ASCC3: variants seen among roughly 807,000 people sequenced by gnomAD.
ASCC3 encodes the protein ASC-1 complex subunit P200.
ASCC3 carries 158 observed loss-of-function variants against 256.3 expected under a neutral mutation model. The ratio of observed to expected loss-of-function variants is 0.62; its 90% CI spans 0.54 to 0.70. The LOEUF (loss-of-function observed/expected upper bound fraction) is 0.70, where lower values mean the gene tolerates loss of function less well. Ranked by LOEUF, ASCC3 falls within the 30% of genes least tolerant of loss-of-function variation. The pLI is 0.00. For synonymous variants in ASCC3, 948 were observed against 883.4 expected (o/e 1.07, Z -1.30); for missense variants, 2,259 against 2,626.0 (o/e 0.86, Z 3.05).
chr6:100,802,297 C>T (rs1483080745), intron 5 of ASCC3, among the ~76,000 whole-genome samples: 2 of 151,980 alleles, frequency 1.3e-5, no homozygotes, highest in East Asian at 3.9e-4. Flanking sequence ...TATGTAGAGG[C>T]TTGTATCCTT....
intron 4 of ASCC3, among the ~76,000 whole-genome samples, chr6:100,814,929 C>T (rs193056994): frequency 1.6e-4 from 25 of 152,024 alleles, no homozygotes; most frequent in Admixed American, 5.9e-4. Context: ...ATGTCTCAAT[C>T]TCCTTCAGTT....
intron 11 of ASCC3, among the ~76,000 whole-genome samples, chr6:100,723,715 G>T (rs185038097): frequency 1.5e-4 from 22 of 150,476 alleles, no homozygotes; most frequent in Non-Finnish European, 2.8e-4. Context: ...TTTTGGCTTC[G>T]GAATCAAGTA....
intron 30 of ASCC3, among the ~76,000 whole-genome samples, chr6:100,616,941 C>A (rs1358743333): frequency 6.6e-6 from 1 of 152,096 alleles, no homozygotes; most frequent in African/African-American, 2.4e-5. Context: ...CTTTCCCACC[C>A]CAGAAAAGGA....
chr6:100,699,421 C>T (rs969415192), intron 13 of ASCC3, among the ~76,000 whole-genome samples: 1 of 152,126 alleles, frequency 6.6e-6, no homozygotes, highest in Non-Finnish European at 1.5e-5. Context: ...TGTGAGGCCT[C>T]CTCAGCCATG....
intron 10 of ASCC3, among the ~76,000 whole-genome samples, chr6:100,759,093 T>C (rs149761551): frequency 3.6e-4 from 55 of 152,118 alleles, no homozygotes; most frequent in African/African-American, 1.3e-3. Context: ...GGGGTTGTTT[T>C]CTTCTTGTAA....
At chr6:100,580,834 T>A (rs552549774) in intron 36 of ASCC3, among the ~76,000 whole-genome samples, 39 of 149,938 alleles carry the variant, frequency 2.6e-4, no homozygotes, top group African/African-American at 9.5e-4. Flanking sequence ...TATGCGGTGT[T>A]TGGTTTTTTG....
At chr6:100,661,728 A>T in intron 16 of ASCC3, 78 bp downstream of exon 16, 1 of 1,463,800 alleles carries the variant, frequency 6.8e-7, no homozygotes, top group Non-Finnish European at 9.5e-7. Flanking sequence ...CAAAACAGCA[A>T]CCAACTCAAT....
intron 3 of ASCC3, among the ~76,000 whole-genome samples, chr6:100,861,359 T>C (rs1322794608): frequency 2.0e-5 from 3 of 152,142 alleles, no homozygotes; most frequent in Non-Finnish European, 4.4e-5. Context: ...ACAATACGCA[T>C]AGCCTTAAGT....
intron 4 of ASCC3, among the ~76,000 whole-genome samples, chr6:100,836,688 C>T (rs953876992): frequency 9.2e-5 from 14 of 152,066 alleles, no homozygotes; most frequent in Non-Finnish European, 4.4e-5. Flanking sequence ...ATCAGCAATA[C>T]TGGCCTATAG....
chr6:100,879,416 T>C (rs1163917770), intron 1 of ASCC3, among the ~76,000 whole-genome samples: 1 of 152,138 alleles, frequency 6.6e-6, no homozygotes, highest in Non-Finnish European at 1.5e-5. Flanking sequence ...TTCTAATAAT[T>C]CCTTGACCTT....
chr6:100,574,896 A>G (rs1280625138), intron 36 of ASCC3, among the ~76,000 whole-genome samples: 2 of 152,138 alleles, frequency 1.3e-5, no homozygotes, highest in African/African-American at 4.8e-5. Context: ...AGAAGTTAAG[A>G]AATAATGGAC....
chr6:100,702,440 G>A (rs2115000986), intron 13 of ASCC3, among the ~76,000 whole-genome samples: 1 of 152,202 alleles, frequency 6.6e-6, no homozygotes, highest in East Asian at 1.9e-4. Flanking sequence ...CAGATACACT[G>A]TATTTGAGAC....
At chr6:100,805,915 T>C (rs1445724165) in intron 4 of ASCC3, 35 bp from the exon 5 acceptor site, 1 of 1,598,274 alleles carries the variant, frequency 6.3e-7, no homozygotes, top group South Asian at 1.1e-5. Flanking sequence ...AAACATCAGT[T>C]ATCTCAAAGT....
chr6:100,799,092 T>C (rs1769782400), intron 7 of ASCC3, among the ~76,000 whole-genome samples: 1 of 152,094 alleles, frequency 6.6e-6, no homozygotes, highest in Non-Finnish European at 1.5e-5. Context: ...TCTTAAAGTA[T>C]ACACTAATTA....
At chr6:100,869,442 C>A (rs1050489815) in intron 1 of ASCC3, among the ~76,000 whole-genome samples, 7 of 151,956 alleles carry the variant, frequency 4.6e-5, no homozygotes, top group Non-Finnish European at 1.0e-4. Flanking sequence ...TCTATAACAA[C>A]TATAATAGAA....
At position 100,848,203 on chromosome 6, in the gene ASCC3, C is replaced by A; in HGVS notation, c.746G>T (p.Cys249Phe). The change falls in exon 4 of 42, where the codon TGT becomes TTT. Residue 249 changes from cysteine to phenylalanine, a missense_variant. Physicochemically the swap from Cys to Phe is radical, Grantham distance 205. Transcript: ENST00000369162. ...TEVPRVEDLC[C>F]TLYDMLASIK... ...AGAAGCAAGCATATCATATAAAGTA[C>A]AGCAAAGATCTTCTACTCTTGGCAC... is the stretch of plus-strand genomic sequence containing the variant. 6.2e-7 allele frequency: 1 copy of A among 1,612,934 alleles called. No individual in the cohort carries two copies. Among genetic ancestry groups the A allele is most frequent in the Non-Finnish European group, 8.5e-7 (1 of 1,179,540 alleles).
chr6:100,854,867 T>C (rs571584143), intron 3 of ASCC3, among the ~76,000 whole-genome samples: 9 of 152,194 alleles, frequency 5.9e-5, no homozygotes, highest in Admixed American at 2.0e-4. Context: ...ACTTCCATTT[T>C]AGATTGTTTT....
chr6:100,816,322 A>G (rs1380329310), intron 4 of ASCC3, among the ~76,000 whole-genome samples: 2 of 152,186 alleles, frequency 1.3e-5, no homozygotes, highest in African/African-American at 4.8e-5. Context: ...ACTGTAAATT[A>G]GTTCAACCAT....
intron 8 of ASCC3, among the ~76,000 whole-genome samples, chr6:100,781,796 T>C (rs899196304): frequency 2.0e-5 from 3 of 151,980 alleles, no homozygotes; most frequent in African/African-American, 4.8e-5. Flanking sequence ...AACCAGACAT[T>C]TAGCATATCA....
Sources: allele counts gnomAD v4.1 joint callset (sites outside exome capture counted in the v4.1 genomes callset), GRCh38; gene constraint gnomAD v4.1.1; transcripts MANE v1.5; gene names NCBI Gene and HGNC (gene_info 2026-07-23, HGNC 2026-07-21).